PIK3R5: variants seen among roughly 807,000 people sequenced by gnomAD.
The protein encoded by PIK3R5 is phosphoinositide 3-kinase regulatory subunit 5.
PIK3R5 carries 32 observed loss-of-function variants against 94.9 expected under a neutral mutation model. That is an observed-to-expected ratio of 0.34 (90% CI 0.25 to 0.45). PIK3R5 has a LOEUF of 0.45. Among genes scored for constraint, PIK3R5 ranks in the 20% least tolerant of loss-of-function variants. PIK3R5 has a pLI of 1.00. For missense variants in PIK3R5, 853 were observed against 1,144.6 expected, an observed-to-expected ratio of 0.75 and a Z score of 3.68; for synonymous variants, 443 against 479.4, an observed-to-expected ratio of 0.92 and a Z score of 0.99.
In PIK3R5 at chr17:8,889,425, G is replaced by T. The variant is rs61759657; in HGVS notation, c.812-203C>A. The stretch of plus-strand genomic sequence containing the variant: ...CTTCTTTCAAGCACACCATGTAGAT[G>T]GCATGCCCTTTATGAGCTGTGCGAA... On this transcript the variant is annotated intron_variant, in intron 8 of 18. Coordinates refer to ENST00000447110, the MANE Select transcript of PIK3R5 (RefSeq NM_001142633.3). The surrounding 1 kb of genome is among the most constrained non-coding windows in gnomAD (Gnocchi z 4.1). 0.043 allele frequency among the ~76,000 whole-genome samples: 6,536 copies of T among 152,234 alleles called. 304 individuals carry two copies. The highest frequency in any genetic ancestry group is 0.24 in the East Asian group (1,224 of 5,170).
At position 8,935,479 on chromosome 17, in the gene PIK3R5, T is replaced by A. The variant is rs553886089; in HGVS notation, c.-13-23972A>T. Among the ~76,000 whole-genome samples, 8 of 151,572 alleles carry A rather than the reference T, an allele frequency of 5.3e-5. No individual in the cohort carries two copies. The highest frequency in any genetic ancestry group is 1.9e-4 in the African/African-American group (8 of 41,400). On this transcript the variant is annotated intron_variant, in intron 1 of 18. Transcript: ENST00000447110. The surrounding 1 kb of genome is among the most constrained non-coding windows in gnomAD (Gnocchi z 4.5). ...GTGTGGGCAGGTTGCCTGGGAGACC[T>A]GCTTCCTTCCTTGTTTCCTCTGCCA...
chr17:8,900,928 C>G (rs1051249159), intron 5 of PIK3R5, among the ~76,000 whole-genome samples: 1 of 152,160 alleles, frequency 6.6e-6, no homozygotes, highest in Non-Finnish European at 1.5e-5. Flanking sequence ...CCCCACAACT[C>G]TCTTATCCTT....
At chr17:8,933,080 C>T (rs2091014804) in intron 1 of PIK3R5, among the ~76,000 whole-genome samples, 1 of 152,122 alleles carries the variant, frequency 6.6e-6, no homozygotes, top group African/African-American at 2.4e-5. Context: ...GAGTGATATA[C>T]ATCTTTATAG....
At chr17:8,886,381 C>T in intron 13 of PIK3R5, 59 bp from the exon 14 acceptor site, 2 of 1,602,990 alleles carry the variant, frequency 1.2e-6, no homozygotes, top group African/African-American at 1.3e-5. Flanking sequence ...CCATTTGGCT[C>T]CTCCAGCATA....
At chr17:8,928,275 G>A (rs2151437924) in intron 1 of PIK3R5, among the ~76,000 whole-genome samples, 1 of 152,306 alleles carries the variant, frequency 6.6e-6, no homozygotes, top group African/African-American at 2.4e-5. Flanking sequence ...TGGAGGCTGA[G>A]TGTGGAACCT....
intron 1 of PIK3R5, among the ~76,000 whole-genome samples, chr17:8,949,465 G>A (rs1426439317): frequency 6.6e-6 from 1 of 152,160 alleles, no homozygotes; most frequent in Non-Finnish European, 1.5e-5. Flanking sequence ...TTGTGAAAGG[G>A]AGCTGCTACC....
At chr17:8,891,269 A>G (rs181484570) in intron 6 of PIK3R5, among the ~76,000 whole-genome samples, 12 of 152,344 alleles carry the variant, frequency 7.9e-5, no homozygotes, top group Admixed American at 7.2e-4. Context: ...ATCATATTTT[A>G]GGCAAGGTGA....
chr17:8,960,377 T>C (rs1038658925), intron 1 of PIK3R5, among the ~76,000 whole-genome samples: 2 of 152,248 alleles, frequency 1.3e-5, no homozygotes, highest in Admixed American at 1.3e-4. Flanking sequence ...CATAATCTCA[T>C]AGTATCCCAT....
At chr17:8,947,710 G>C (rs1311715597) in intron 1 of PIK3R5, among the ~76,000 whole-genome samples, 1 of 152,144 alleles carries the variant, frequency 6.6e-6, no homozygotes, top group Non-Finnish European at 1.5e-5. Context: ...AAGGTGATAC[G>C]AAAGAGAGAG....
rs747313258 is a variant in PIK3R5 at position 8,904,734 on chromosome 17, C to A, written c.412+43G>T. 1 of 1,602,062 alleles carries A rather than the reference C, an allele frequency of 6.2e-7. No homozygotes were observed. Among genetic ancestry groups the A allele is most frequent in the Non-Finnish European group, 8.5e-7 (1 of 1,171,654 alleles). On this transcript the variant is annotated intron_variant, in intron 5 of 18. Coordinates refer to ENST00000447110, the MANE Select transcript of PIK3R5 (RefSeq NM_001142633.3). This position sits in a 1 kb window ranked among gnomAD's most constrained non-coding sequence, Gnocchi z 5.1. ...TTCAGAGGAGTTGGAAGCATTCTGA[C>A]CTTCTGAGCCCTGTCCCCCGTGCCA...
chr17:8,963,418 G>C (rs951448305), intron 1 of PIK3R5, among the ~76,000 whole-genome samples: 1 of 152,128 alleles, frequency 6.6e-6, no homozygotes, highest in Non-Finnish European at 1.5e-5. Flanking sequence ...CAGGGGTATG[G>C]AGCAGCCTGC....
intron 1 of PIK3R5, among the ~76,000 whole-genome samples, chr17:8,948,655 GC>G (rs1046058988): frequency 6.6e-6 from 1 of 151,902 alleles, no homozygotes; most frequent in African/African-American, 2.4e-5. Flanking sequence ...AATGAAAAAG[GC>G]AAAAAAAAGC....
chr17:8,939,061 T>G (rs2091128164), intron 1 of PIK3R5, among the ~76,000 whole-genome samples: 1 of 152,208 alleles, frequency 6.6e-6, no homozygotes, highest in African/African-American at 2.4e-5. Flanking sequence ...TCCTACTACC[T>G]GTCAGCTGCT....
rs752846472 is a variant in PIK3R5 at position 8,896,171 on chromosome 17, T to C, written c.413-2516A>G. Among the ~76,000 whole-genome samples the C allele has an allele frequency of 6.6e-6, 1 of 152,092 alleles. No individual in the cohort carries two copies. Among genetic ancestry groups the C allele is most frequent in the African/African-American group, 2.4e-5 (1 of 41,402 alleles). On this transcript the variant is annotated intron_variant, in intron 5 of 18. Transcript: ENST00000447110. The surrounding 1 kb of genome is among the most constrained non-coding windows in gnomAD (Gnocchi z 4.0). ...CCATTTGCTGGTATGTGCTGTGAGGTTGGAAATATCTCCCAGCACCCTCCA... is the reference window on the plus strand; with the variant it reads ...CCATTTGCTGGTATGTGCTGTGAGGCTGGAAATATCTCCCAGCACCCTCCA...
chr17:8,913,520 A>G (rs2090570636), intron 1 of PIK3R5, among the ~76,000 whole-genome samples: 1 of 148,558 alleles, frequency 6.7e-6, no homozygotes, highest in South Asian at 2.1e-4. Context: ...CAGCCTGGCC[A>G]ACATCTTGAA....
chr17:8,902,249 A>ATTTTT (rs397960477), intron 5 of PIK3R5, among the ~76,000 whole-genome samples: 3 of 77,190 alleles, frequency 3.9e-5, no homozygotes, highest in African/African-American at 5.4e-5. Flanking sequence ...TGATATATTA[A>ATTTTT]TTTTTTTTTT....
chr17:8,879,883 G>C lies in PIK3R5; in HGVS notation c.*756C>G, dbSNP rs765299249. 31 of 152,264 alleles carry C rather than the reference G, an allele frequency of 2.0e-4. No individual in the cohort carries two copies. Among genetic ancestry groups the C allele is most frequent in the Admixed American group, 2.0e-3 (30 of 15,284 alleles). The allele number at this position is 152,264 out of a possible 1,614,324, so 9.4% of individuals were successfully genotyped here. A position where few individuals can be genotyped will look rare whatever the true frequency, so the allele number is the denominator to read the frequency against. ...CCATTTTAGTGCTGGAGAAATGAAG[G>C]CTTAAAGTTAATTAACTTCCTCTAG... On this transcript the variant is annotated 3_prime_UTR_variant, in exon 19 of 19. Transcript: ENST00000447110. The surrounding 1 kb of genome is among the most constrained non-coding windows in gnomAD (Gnocchi z 4.4).
chr17:8,956,475 C>T (rs2091468431), intron 1 of PIK3R5, among the ~76,000 whole-genome samples: 2 of 152,118 alleles, frequency 1.3e-5, no homozygotes, highest in Non-Finnish European at 1.5e-5. Context: ...TTGAAAACTC[C>T]CAGGTGGTCA....
chr17:8,917,882 A>G (rs1217890568), intron 1 of PIK3R5, among the ~76,000 whole-genome samples: 18 of 152,208 alleles, frequency 1.2e-4, no homozygotes, highest in Admixed American at 1.2e-3. Context: ...AGAAAAAAAA[A>G]GAAAGAAATC....
Sources: allele counts gnomAD v4.1 joint callset (sites outside exome capture counted in the v4.1 genomes callset), GRCh38; gene constraint gnomAD v4.1.1; non-coding constraint Gnocchi (gnomAD v3.1); transcripts MANE v1.5; gene names NCBI Gene and HGNC (gene_info 2026-07-23, HGNC 2026-07-21).